The following GREB1L variants were observed in gnomAD, a reference collection of about 807,000 sequenced individuals.
The protein encoded by GREB1L is GREB1-like protein.
GREB1L carries 17 observed loss-of-function variants against 200.8 expected under a neutral mutation model. That is an observed-to-expected ratio of 0.08 (90% confidence interval 0.06 to 0.13). The LOEUF is 0.13. Ranked by LOEUF, GREB1L falls within the 10% of genes least tolerant of loss-of-function variation. The pLI is 1.00. For synonymous variants in GREB1L, 789 were observed against 893.0 expected (o/e 0.88, Z 2.08); for missense variants, 1,657 against 2,367.7 (o/e 0.70, Z 6.23).
chr18:21,259,593 A>G (rs1469795717), intron 1 of GREB1L, among the ~76,000 whole-genome samples: 3 of 152,134 alleles, frequency 2.0e-5, no homozygotes, highest in Non-Finnish European at 4.4e-5. Context: ...AAATATTTAT[A>G]TAACATAATA....
chr18:21,363,299 C>CCCA lies in GREB1L; in HGVS notation c.-119-2727_-119-2726insCAC, dbSNP rs1555631604. Among the ~76,000 whole-genome samples the CCCA allele has an allele frequency of 6.0e-4, 63 of 105,572 alleles. 2 individuals are homozygous for CCCA. Among genetic ancestry groups the CCCA allele is most frequent in the East Asian group, 3.5e-3 (10 of 2,822 alleles). The allele number at this position is 105,572 out of a possible 152,430, so 69.3% of individuals were successfully genotyped here. A position where few individuals can be genotyped will look rare whatever the true frequency, so the allele number is the denominator to read the frequency against. ...CCGCCTCCCCCCCGCCCCCCCCCCCCCACACACACAAGAACTCCTCCTGCC... is the reference window on the plus strand; with the variant it reads ...CCGCCTCCCCCCCGCCCCCCCCCCCCCCACACACACACAAGAACTCCTCCTGCC... On this transcript the variant is annotated intron_variant, in intron 1 of 32. Transcript: ENST00000424526.
At chr18:21,495,534 A>G (rs2036512153) in intron 19 of GREB1L, 136 bp from the exon 20 acceptor site, 1 of 633,998 alleles carries the variant, frequency 1.6e-6, no homozygotes, top group South Asian at 1.9e-5. Context: ...TAAAATATAC[A>G]TACATAAACA....
At position 21,329,297 on chromosome 18, in the gene GREB1L, C is replaced by T. The variant is rs543372634; in HGVS notation, c.-119-36730C>T. Among the ~76,000 whole-genome samples the T allele has an allele frequency of 4.1e-5, 6 of 146,896 alleles. No homozygotes were observed. In the South Asian group the frequency reaches 1.3e-3, roughly 32 times the overall value. On this transcript the variant is annotated intron_variant, in intron 1 of 32. Coordinates refer to ENST00000424526, the MANE Select transcript of GREB1L (RefSeq NM_001142966.3). ...TAGAGATCAGGCCACTGCACTCCAG[C>T]CTGGGCGACAGAGTGAGACTCTGTC...
chr18:21,513,392 T>G (rs2037308922), intron 27 of GREB1L, among the ~76,000 whole-genome samples: 1 of 152,214 alleles, frequency 6.6e-6, no homozygotes, highest in Non-Finnish European at 1.5e-5. Context: ...GTTAACTCCC[T>G]AGTACAGGAC....
intron 1 of GREB1L, among the ~76,000 whole-genome samples, chr18:21,247,188 ACT>A (rs2037618783): frequency 6.6e-6 from 1 of 151,608 alleles, no homozygotes; most frequent in South Asian, 2.1e-4. Flanking sequence ...TCCCACAGTG[ACT>A]CTTCTCTTCT....
intron 1 of GREB1L, among the ~76,000 whole-genome samples, chr18:21,251,531 T>C (rs1223549937): frequency 6.6e-6 from 1 of 152,212 alleles, no homozygotes; most frequent in Non-Finnish European, 1.5e-5. Context: ...AAGAGGTATA[T>C]ATTAAAAGAT....
chr18:21,352,662 G>A (rs1192884506), intron 1 of GREB1L, among the ~76,000 whole-genome samples: 2 of 151,402 alleles, frequency 1.3e-5, no homozygotes, highest in African/African-American at 4.9e-5. Flanking sequence ...TTGAACTCCT[G>A]AGCTCAAACA....
chr18:21,380,916 TG>T (rs2040279577), intron 2 of GREB1L, among the ~76,000 whole-genome samples: 1 of 151,168 alleles, frequency 6.6e-6, no homozygotes, highest in Admixed American at 6.6e-5. Context: ...CTGGCCAAGA[TG>T]GTGAAACCCC....
intron 1 of GREB1L, among the ~76,000 whole-genome samples, chr18:21,294,723 A>T (rs1480038404): frequency 5.3e-5 from 8 of 152,122 alleles, no homozygotes; most frequent in Non-Finnish European, 1.5e-5. Flanking sequence ...TATGGTATAC[A>T]TTGTTAGAAG....
intron 11 of GREB1L, 40 bp from the exon 12 acceptor site, chr18:21,449,470 G>A (rs1568020597): frequency 7.9e-7 from 1 of 1,270,454 alleles, no homozygotes; most frequent in Non-Finnish European, 1.1e-6. Context: ...TCTCCTCCCT[G>A]TGATTCTTTA....
At chr18:21,297,670 G>A (rs1414684474) in intron 1 of GREB1L, among the ~76,000 whole-genome samples, 1 of 152,108 alleles carries the variant, frequency 6.6e-6, no homozygotes, top group East Asian at 1.9e-4. Context: ...CTTAAGAATC[G>A]GGATAGCACT....
intron 2 of GREB1L, among the ~76,000 whole-genome samples, chr18:21,374,468 A>C (rs2039994533): frequency 6.6e-6 from 1 of 152,192 alleles, no homozygotes; most frequent in African/African-American, 2.4e-5. Flanking sequence ...AGTGCTTATT[A>C]ATAGTAATTG....
At chr18:21,450,986 T>C in intron 12 of GREB1L, 37 bp from the exon 13 acceptor site, 2 of 1,539,338 alleles carry the variant, frequency 1.3e-6, no homozygotes, top group Non-Finnish European at 8.8e-7. Context: ...ACATTTGTTC[T>C]GTTGATGAGT....
chr18:21,389,695 T>G (rs1329975128), intron 4 of GREB1L, among the ~76,000 whole-genome samples: 1 of 152,196 alleles, frequency 6.6e-6, no homozygotes, highest in Non-Finnish European at 1.5e-5. Flanking sequence ...TTTTCCCTCT[T>G]AGTCTCCCTT....
At chr18:21,259,097 G>T (rs748009274) in intron 1 of GREB1L, among the ~76,000 whole-genome samples, 1 of 152,042 alleles carries the variant, frequency 6.6e-6, no homozygotes, top group Non-Finnish European at 1.5e-5. Flanking sequence ...ACATCTGTAT[G>T]GTGTTTACCC....
rs922965086 is a variant in GREB1L, at chr18:21,438,273, AAAG to A, written c.833-1236_833-1234del. On this transcript the variant is annotated intron_variant, in intron 7 of 32. Coordinates refer to ENST00000424526, the MANE Select transcript of GREB1L (RefSeq NM_001142966.3). Reference sequence around the variant, plus strand: ...GGATGATGGAGTGAGACCCTGTTTCAAAGAAGAAGAAGAAAAAAAGAAAGTATT... The same window carrying A: ...GGATGATGGAGTGAGACCCTGTTTCAAAGAAGAAGAAAAAAAGAAAGTATT... Among the ~76,000 whole-genome samples, 9 of 152,268 alleles carry A rather than the reference AAAG, an allele frequency of 5.9e-5. No individual in the cohort carries two copies. The East Asian group carries it at 1.2e-3, about 20-fold the overall frequency.
At chr18:21,403,441 G>A (rs1306065775) in intron 6 of GREB1L, among the ~76,000 whole-genome samples, 5 of 152,186 alleles carry the variant, frequency 3.3e-5, no homozygotes, top group Non-Finnish European at 7.3e-5. Context: ...AGGTTGAGAA[G>A]AGAATAGGTT....
At chr18:21,419,701 G>A (rs1182620425) in intron 7 of GREB1L, among the ~76,000 whole-genome samples, 1 of 152,168 alleles carries the variant, frequency 6.6e-6, no homozygotes, top group Admixed American at 6.5e-5. Context: ...CACCTGCTTT[G>A]GCTTCCCAAA....
intron 1 of GREB1L, among the ~76,000 whole-genome samples, chr18:21,334,278 T>C (rs1297819780): frequency 6.6e-6 from 1 of 152,178 alleles, no homozygotes; most frequent in Non-Finnish European, 1.5e-5. Context: ...TTGGTATCAG[T>C]ACCTGGGTAA....
Sources: allele counts gnomAD v4.1 joint callset (sites outside exome capture counted in the v4.1 genomes callset), GRCh38; gene constraint gnomAD v4.1.1; transcripts MANE v1.5; gene names NCBI Gene and HGNC (gene_info 2026-07-23, HGNC 2026-07-21).